PCDHGA7: variants seen among roughly 807,000 people sequenced by gnomAD.
The protein encoded by PCDHGA7 is protocadherin gamma-A7.
PCDHGA7 carries 44 observed loss-of-function variants against 58.3 expected under a neutral mutation model. That is an observed-to-expected ratio of 0.75 (90% CI 0.59 to 0.97). The LOEUF is 0.97. PCDHGA7 is among the 50% of genes least tolerant of loss of function. The pLI, the probability that PCDHGA7 is intolerant of heterozygous loss-of-function variation, is 0.00. For missense variants in PCDHGA7, 1,266 were observed against 1,188.7 expected (o/e 1.06, Z -0.96); for synonymous variants, 516 against 504.2 (o/e 1.02, Z -0.31).
At chr5:141,424,894 T>C (rs868851823) in intron 1 of PCDHGA7, among the ~76,000 whole-genome samples, 44 of 152,320 alleles carry the variant, frequency 2.9e-4, no homozygotes, top group African/African-American at 9.9e-4. Flanking sequence ...TCTAGGGTTT[T>C]TGATCACAGG....
At chr5:141,399,146 G>C (rs758823968) in intron 1 of PCDHGA7, 1 of 1,613,792 alleles carries the variant, frequency 6.2e-7, no homozygotes, top group South Asian at 1.1e-5. Context: ...AATGACAATA[G>C]CCCAGAAGTT....
intron 2 of PCDHGA7, among the ~76,000 whole-genome samples, chr5:141,501,166 C>T (rs1443045812): frequency 6.6e-6 from 1 of 152,154 alleles, no homozygotes; most frequent in African/African-American, 2.4e-5. Flanking sequence ...CATCCCCAGC[C>T]TCATTTACAT....
rs777058727 is a variant in PCDHGA7 at position 141,431,947 on chromosome 5, A to G, written c.2424+46624A>G. 6 of 1,614,052 alleles carry G rather than the reference A, an allele frequency of 3.7e-6. No homozygotes were observed. The highest frequency in any genetic ancestry group is 2.2e-5 in the East Asian group (1 of 44,894). ...GAAATCTGCCCTTTAAATTAGAAAAATCTTACGGAAATTACTATAGTTTAG... is the reference window on the plus strand; with the variant it reads ...GAAATCTGCCCTTTAAATTAGAAAAGTCTTACGGAAATTACTATAGTTTAG... On this transcript the variant is annotated intron_variant, in intron 1 of 3. Transcript: ENST00000518325. This position sits in a 1 kb window ranked among gnomAD's most constrained non-coding sequence, Gnocchi z 4.8.
chr5:141,388,920 A>T, intron 1 of PCDHGA7: 3 of 1,613,996 alleles, frequency 1.9e-6, no homozygotes, highest in East Asian at 2.2e-5. Flanking sequence ...CCCAGAAGTG[A>T]TATTCCAGTC....
rs769514553 is a variant in PCDHGA7, at chr5:141,490,072, G to T, written c.2425-4735G>T. On this transcript the variant is annotated intron_variant, in intron 1 of 3. Transcript: ENST00000518325. The surrounding 1 kb of genome is among the most constrained non-coding windows in gnomAD (Gnocchi z 5.4). Reference sequence around the variant, plus strand: ...AGACGAGGGCACCAACGGCCAACTAGACTATTCTTTTGGAGACCACACATC... The same window carrying T: ...AGACGAGGGCACCAACGGCCAACTATACTATTCTTTTGGAGACCACACATC... 2 of 1,614,254 alleles carry T rather than the reference G, an allele frequency of 1.2e-6. No homozygotes were observed. Among genetic ancestry groups the T allele is most frequent in the South Asian group, 2.2e-5 (2 of 91,090 alleles).
At chr5:141,430,853 C>G (rs769009864) in intron 1 of PCDHGA7, 2 of 1,587,214 alleles carry the variant, frequency 1.3e-6, no homozygotes, top group Non-Finnish European at 1.7e-6. Flanking sequence ...CACCCAGATA[C>G]GCTATTCAGT....
chr5:141,416,096 T>C (rs2095991930), intron 1 of PCDHGA7: 1 of 161,152 alleles, frequency 6.2e-6, no homozygotes, highest in South Asian at 2.0e-4. Flanking sequence ...AGAAGGGCAA[T>C]AGGCCTTTTT....
At position 141,491,390 on chromosome 5, in the gene PCDHGA7, T is replaced by C; in HGVS notation, c.2425-3417T>C. 6.2e-7 allele frequency: 1 copy of C among 1,614,130 alleles called. No homozygotes were observed. Among genetic ancestry groups the C allele is most frequent in the Non-Finnish European group, 8.5e-7 (1 of 1,179,988 alleles). ...TTCACCTTTCTGTCAGCGAAGTGCC[T>C]TCAGGGAAACGCAGACGGGGACGGG... On this transcript the variant is annotated intron_variant, in intron 1 of 3. Coordinates refer to ENST00000518325, the MANE Select transcript of PCDHGA7 (RefSeq NM_018920.4). This position sits in a 1 kb window ranked among gnomAD's most constrained non-coding sequence, Gnocchi z 6.9.
chr5:141,433,843 A>C (rs2097657951), intron 1 of PCDHGA7, among the ~76,000 whole-genome samples: 1 of 151,956 alleles, frequency 6.6e-6, no homozygotes, highest in African/African-American at 2.4e-5. Context: ...ATCTCAAAAA[A>C]AAAAAAAAAA....
At chr5:141,394,219 C>T (rs1355390708) in intron 1 of PCDHGA7, 1 of 1,613,786 alleles carries the variant, frequency 6.2e-7, no homozygotes, top group Non-Finnish European at 8.5e-7. Context: ...CTGAGAGGAG[C>T]CTCCATCTTT....
chr5:141,395,077 AG>A lies in PCDHGA7; in HGVS notation c.2424+9756del, dbSNP rs747226962. 4.3e-6 allele frequency: 7 copies of A among 1,614,024 alleles called. No individual in the cohort carries two copies. The African/African-American group carries it at 9.3e-5, about 22-fold the overall frequency. On this transcript the variant is annotated intron_variant, in intron 1 of 3. Transcript: ENST00000518325. ...CAGGCTTTCCTGCAGACCTATTCCC[AG>A]GAAGTCTCCCTCACCGCCGACTCGC...
At position 141,485,240 on chromosome 5, in the gene PCDHGA7, C is replaced by G; in HGVS notation, c.2425-9567C>G. On this transcript the variant is annotated intron_variant, in intron 1 of 3. Coordinates refer to ENST00000518325, the MANE Select transcript of PCDHGA7 (RefSeq NM_018920.4). This position sits in a 1 kb window ranked among gnomAD's most constrained non-coding sequence, Gnocchi z 5.7. The stretch of plus-strand genomic sequence containing the variant: ...GGCTACCCTTTTGTTCCTCTTTTAC[C>G]ACCTGGGTTACGTTTGTGGGCAGAT... The G allele has an allele frequency of 6.2e-7, 1 of 1,614,174 alleles. No individual in the cohort carries two copies. The highest frequency in any genetic ancestry group is 8.5e-7 in the Non-Finnish European group (1 of 1,180,024).
At chr5:141,410,005 C>T (rs1009148964) in intron 1 of PCDHGA7, 16 of 1,613,172 alleles carry the variant, frequency 9.9e-6, no homozygotes, top group Non-Finnish European at 1.3e-5. Context: ...CGGGACACAA[C>T]GCCTGGCTGT....
At chr5:141,400,217 T>A (rs771117256) in intron 1 of PCDHGA7, 1 of 1,613,916 alleles carries the variant, frequency 6.2e-7, no homozygotes, top group Non-Finnish European at 8.5e-7. Flanking sequence ...TTGATCTCAG[T>A]GCTCTTCCTC....
At chr5:141,465,266 C>G (rs2099099623) in intron 1 of PCDHGA7, among the ~76,000 whole-genome samples, 1 of 152,096 alleles carries the variant, frequency 6.6e-6, no homozygotes, top group South Asian at 2.1e-4. Flanking sequence ...ATGATACTAG[C>G]CATTTAGTTC....
chr5:141,423,184 C>G (rs747938944), intron 1 of PCDHGA7: 3 of 1,613,560 alleles, frequency 1.9e-6, no homozygotes, highest in Non-Finnish European at 2.5e-6. Context: ...CCACGGCCAG[C>G]CCCCTCTCTC....
At chr5:141,396,724 A>G (rs957039654) in intron 1 of PCDHGA7, 1 of 152,212 alleles carries the variant, frequency 6.6e-6, no homozygotes, top group African/African-American at 2.4e-5. Flanking sequence ...TAATACCTGA[A>G]TTGATTGTTG....
intron 1 of PCDHGA7, chr5:141,389,928 C>A: frequency 6.2e-7 from 1 of 1,614,068 alleles, no homozygotes. Flanking sequence ...CCCCTCTGAC[C>A]TCCAGGCTGA....
intron 1 of PCDHGA7, among the ~76,000 whole-genome samples, chr5:141,420,624 CTCAA>C (rs1561789527): frequency 1.3e-5 from 2 of 152,278 alleles, no homozygotes; most frequent in Admixed American, 1.3e-4. Context: ...TCTTCATTTA[CTCAA>C]TAAAGGAACC....
Sources: gnomAD v4.1 joint callset for allele counts (sites outside exome capture counted in the v4.1 genomes callset) on GRCh38, gnomAD v4.1.1 for gene constraint, Gnocchi (gnomAD v3.1) non-coding constraint, MANE v1.5 for transcripts, NCBI Gene and HGNC (gene_info 2026-07-23, HGNC 2026-07-21) for gene names.